The following CDKAL1 variants were observed in gnomAD, a reference collection of about 807,000 sequenced individuals.
CDKAL1 encodes the protein threonylcarbamoyladenosine tRNA methylthiotransferase.
Under a neutral mutation model 68.2 loss-of-function variants are expected in CDKAL1, and 32 were observed. The ratio of observed to expected loss-of-function variants is 0.47; its 90% confidence interval spans 0.35 to 0.63. The LOEUF is 0.63. Ranked by LOEUF, CDKAL1 falls within the 30% of genes least tolerant of loss-of-function variation. CDKAL1 has a pLI of 0.00. For missense variants in CDKAL1, 606 were observed against 696.7 expected (o/e 0.87, Z 1.47); for synonymous variants, 234 against 244.3 (o/e 0.96, Z 0.39).
At chr6:21,125,951 G>C (rs1774989850) in intron 13 of CDKAL1, among the ~76,000 whole-genome samples, 1 of 152,200 alleles carries the variant, frequency 6.6e-6, no homozygotes, top group Non-Finnish European at 1.5e-5. Context: ...GTTAACTAAA[G>C]TCTATATGCA....
chr6:20,768,117 A>G (rs771226073), intron 7 of CDKAL1, among the ~76,000 whole-genome samples: 79 of 152,334 alleles, frequency 5.2e-4, no homozygotes, highest in Non-Finnish European at 1.0e-3. Flanking sequence ...TTGAAGCTGC[A>G]CTGAAAAGTC....
At chr6:20,594,585 G>C (rs1314767266) in intron 4 of CDKAL1, among the ~76,000 whole-genome samples, 1 of 152,050 alleles carries the variant, frequency 6.6e-6, no homozygotes, top group African/African-American at 2.4e-5. Flanking sequence ...TTGCATGTGA[G>C]ATGGGTCTCC....
chr6:20,686,680 G>C (rs932045631), intron 5 of CDKAL1, among the ~76,000 whole-genome samples: 1 of 152,024 alleles, frequency 6.6e-6, no homozygotes, highest in African/African-American at 2.4e-5. Flanking sequence ...CCTTTCCCTC[G>C]TGCCAAAACG....
At chr6:20,752,915 G>T (rs1309874463) in intron 6 of CDKAL1, among the ~76,000 whole-genome samples, 4 of 151,998 alleles carry the variant, frequency 2.6e-5, no homozygotes, top group Non-Finnish European at 4.4e-5. Context: ...CTTTAATCTG[G>T]ATCATTTCCT....
At chr6:21,160,538 T>C (rs1349185972) in intron 13 of CDKAL1, among the ~76,000 whole-genome samples, 4 of 150,194 alleles carry the variant, frequency 2.7e-5, no homozygotes, top group South Asian at 2.1e-4. Context: ...CTTCGTGATC[T>C]ACCCTCCTTG....
At chr6:20,571,951 CATAAA>C (rs1224052276) in intron 4 of CDKAL1, among the ~76,000 whole-genome samples, 2 of 151,794 alleles carry the variant, frequency 1.3e-5, no homozygotes, top group African/African-American at 4.8e-5. Flanking sequence ...ATTTTTATCT[CATAAA>C]AGAGGAAAAT....
chr6:20,934,994 C>T (rs1763636912), intron 9 of CDKAL1, among the ~76,000 whole-genome samples: 1 of 148,500 alleles, frequency 6.7e-6, no homozygotes, highest in Non-Finnish European at 1.5e-5. Context: ...CTACTGGGTT[C>T]AAGCGATTCT....
At chr6:21,131,254 C>G (rs910260033) in intron 13 of CDKAL1, among the ~76,000 whole-genome samples, 19 of 152,068 alleles carry the variant, frequency 1.2e-4, no homozygotes, top group African/African-American at 4.4e-4. Context: ...CTGGTTGGCT[C>G]TGATAGATTT....
chr6:20,777,602 G>A (rs1001226295), intron 7 of CDKAL1, among the ~76,000 whole-genome samples: 2 of 152,272 alleles, frequency 1.3e-5, no homozygotes, highest in Non-Finnish European at 2.9e-5. Flanking sequence ...GCGACAGAGT[G>A]AGACCCTGTC....
chr6:20,546,177 C>G (rs942335096), intron 2 of CDKAL1, among the ~76,000 whole-genome samples, 169 bp from the exon 3 acceptor site: 5 of 151,200 alleles, frequency 3.3e-5, no homozygotes, highest in East Asian at 2.0e-4. Context: ...TTCAATATAC[C>G]CAAGATAGTA....
chr6:20,870,925 C>A (rs574408513), intron 9 of CDKAL1, among the ~76,000 whole-genome samples: 1 of 152,246 alleles, frequency 6.6e-6, no homozygotes, highest in Non-Finnish European at 1.5e-5. Context: ...TAAAAATGAT[C>A]AAGAACCCAT....
intron 5 of CDKAL1, among the ~76,000 whole-genome samples, chr6:20,706,078 T>A (rs965067104): frequency 1.3e-5 from 2 of 152,134 alleles, no homozygotes; most frequent in Non-Finnish European, 2.9e-5. Flanking sequence ...ACCACGCATT[T>A]GGTCCACACT....
intron 11 of CDKAL1, among the ~76,000 whole-genome samples, chr6:21,008,936 A>G (rs987500699): frequency 3.3e-5 from 5 of 152,218 alleles, no homozygotes; most frequent in Non-Finnish European, 1.5e-5. Context: ...TTAATAGCAC[A>G]TAATACTTTG....
At chr6:20,717,120 C>A (rs1339279559) in intron 5 of CDKAL1, among the ~76,000 whole-genome samples, 1 of 151,682 alleles carries the variant, frequency 6.6e-6, no homozygotes, top group Non-Finnish European at 1.5e-5. Flanking sequence ...GGTGGACACA[C>A]AAGACTGATT....
At chr6:21,088,239 G>A (rs1429625018) in intron 12 of CDKAL1, among the ~76,000 whole-genome samples, 1 of 152,140 alleles carries the variant, frequency 6.6e-6, no homozygotes, top group African/African-American at 2.4e-5. Flanking sequence ...AGTACTTCCA[G>A]GATCTGGGTC....
intron 10 of CDKAL1, among the ~76,000 whole-genome samples, chr6:20,982,479 T>C (rs1010172827): frequency 1.3e-5 from 2 of 152,084 alleles, no homozygotes; most frequent in South Asian, 4.1e-4. Flanking sequence ...ATAATGTAAT[T>C]TACAACACAT....
chr6:20,990,799 T>C (rs1244049636), intron 10 of CDKAL1, among the ~76,000 whole-genome samples: 1 of 152,252 alleles, frequency 6.6e-6, no homozygotes, highest in Non-Finnish European at 1.5e-5. Flanking sequence ...ACTTGGTAAG[T>C]GTCGAAGGTG....
chr6:20,565,677 G>C (rs968189444), intron 4 of CDKAL1, among the ~76,000 whole-genome samples: 11 of 152,152 alleles, frequency 7.2e-5, no homozygotes, highest in African/African-American at 2.7e-4. Context: ...AACAGTTCCA[G>C]TAGCTAAAGA....
intron 4 of CDKAL1, among the ~76,000 whole-genome samples, chr6:20,607,720 A>T (rs1446102569): frequency 6.6e-6 from 1 of 151,908 alleles, no homozygotes; most frequent in Non-Finnish European, 1.5e-5. Flanking sequence ...CTTTTGAACA[A>T]GTCTCACTCT....
Sources: allele counts gnomAD v4.1 joint callset (sites outside exome capture counted in the v4.1 genomes callset), GRCh38; gene constraint gnomAD v4.1.1; transcripts MANE v1.5; gene names NCBI Gene and HGNC (gene_info 2026-07-23, HGNC 2026-07-21).